The following MYL1 variants were observed in gnomAD, a reference collection of about 807,000 sequenced individuals.
MYL1 encodes the protein myosin light chain 1/3, skeletal muscle isoform.
A neutral mutation model predicts 21.8 loss-of-function variants in MYL1; 16 were observed. The observed-to-expected ratio is 0.74, with a 90% CI of 0.50 to 1.12. The LOEUF is 1.12. Among genes scored for constraint, MYL1 ranks in the 50% most tolerant of loss-of-function variants. The pLI is 0.00. For synonymous variants in MYL1, 99 were observed against 85.2 expected, an observed-to-expected ratio of 1.16 and a Z score of -0.89; for missense variants, 246 against 241.0, an observed-to-expected ratio of 1.02 and a Z score of -0.14.
intron 3 of MYL1, among the ~76,000 whole-genome samples, chr2:210,297,870 G>T (rs376667530): frequency 7.8e-4 from 119 of 151,890 alleles, no homozygotes; most frequent in African/African-American, 2.6e-3. Context: ...TTTTTCAGTT[G>T]CTTGACAAAG....
chr2:210,311,432 C>T (rs371434453), intron 1 of MYL1, among the ~76,000 whole-genome samples: 100 of 152,106 alleles, frequency 6.6e-4, no homozygotes, highest in South Asian at 4.4e-3. Context: ...ATGCAAAATT[C>T]GTTATTTGAT....
At chr2:210,303,563 C>A (rs1195685488) in intron 1 of MYL1, 1 of 1,611,266 alleles carries the variant, frequency 6.2e-7, no homozygotes, top group Admixed American at 1.7e-5. Context: ...GGCTGGGCTG[C>A]AACACAGCAG....
chr2:210,312,864 G>A (rs73067638), intron 1 of MYL1, among the ~76,000 whole-genome samples: 1,776 of 151,626 alleles, frequency 0.012, 42 homozygotes, highest in African/African-American at 0.04. Context: ...ACACTCCAGG[G>A]GTATTTCCTT....
At chr2:210,302,807 A>T (rs1286247745) in intron 1 of MYL1, 5 of 1,555,900 alleles carry the variant, frequency 3.2e-6, no homozygotes, top group Non-Finnish European at 4.4e-6. Flanking sequence ...AGTGGCGAAG[A>T]AGAGAAAGAA....
chr2:210,310,340 T>C (rs1363505293), intron 1 of MYL1, among the ~76,000 whole-genome samples: 2 of 152,060 alleles, frequency 1.3e-5, no homozygotes, highest in African/African-American at 2.4e-5. Flanking sequence ...CATGTGGCAT[T>C]GTATTTCTGC....
chr2:210,302,758 A>C, intron 1 of MYL1: 2 of 1,566,528 alleles, frequency 1.3e-6, no homozygotes, highest in Non-Finnish European at 1.7e-6. Context: ...GACAAACTCA[A>C]TTCACTTACC....
chr2:210,298,655 AG>A (rs1333064610), intron 2 of MYL1, 92 bp from the exon 3 acceptor site: 1 of 1,425,548 alleles, frequency 7.0e-7, no homozygotes, highest in Non-Finnish European at 9.5e-7. Flanking sequence ...CAAACTCTTC[AG>A]TTTTACAACT....
intron 3 of MYL1, among the ~76,000 whole-genome samples, chr2:210,295,400 G>A (rs973071643): frequency 3.9e-5 from 6 of 152,048 alleles, no homozygotes; most frequent in Non-Finnish European, 8.8e-5. Flanking sequence ...TTGGGAAGCC[G>A]AGGCAGGTGG....
intron 5 of MYL1, 23 bp downstream of exon 5, chr2:210,293,700 C>T (rs763557994): frequency 6.2e-7 from 1 of 1,609,332 alleles, no homozygotes; most frequent in Non-Finnish European, 8.5e-7. Flanking sequence ...GTTGCTGTAA[C>T]CACCAGTGAG....
At chr2:210,293,052 T>C (rs1255503953) in intron 5 of MYL1, among the ~76,000 whole-genome samples, 1 of 152,186 alleles carries the variant, frequency 6.6e-6, no homozygotes, top group Non-Finnish European at 1.5e-5. Flanking sequence ...TGTTTTTCTC[T>C]TTTTGTCTTT....
chr2:210,305,432 G>C (rs1690325757), intron 1 of MYL1, among the ~76,000 whole-genome samples: 1 of 152,098 alleles, frequency 6.6e-6, no homozygotes, highest in Non-Finnish European at 1.5e-5. Context: ...GTGTAACTTT[G>C]AATATTACAA....
intron 1 of MYL1, among the ~76,000 whole-genome samples, chr2:210,309,193 T>A (rs1690382069): frequency 6.6e-6 from 1 of 152,096 alleles, no homozygotes; most frequent in African/African-American, 2.4e-5. Flanking sequence ...GTCAGTAGAA[T>A]CTACTTCAAC....
intron 1 of MYL1, among the ~76,000 whole-genome samples, chr2:210,312,230 G>C (rs1690427775): frequency 1.3e-5 from 2 of 151,790 alleles, no homozygotes; most frequent in African/African-American, 4.8e-5. Context: ...AGGCAGTTAT[G>C]ATTAAACTAC....
Position 210,298,487 on chromosome 2 carries a change from A to G in MYL1, c.237T>C (p.Leu79=). The part of the protein sequence containing the change: ...KITLSQVGDV[L]RALGTNPTNA... ...TGGTGGGATTTGTGCCCAGAGCTCG[A>G]AGGACATCACCGACCTGGCTTAAGG... Residue 79 remains leucine (L), a synonymous_variant, in exon 3 of 7, where the codon CTT becomes CTC. Transcript: ENST00000352451. The G allele has an allele frequency of 3.1e-6, 5 of 1,614,050 alleles. No individual in the cohort carries two copies. Among genetic ancestry groups the G allele is most frequent in the Non-Finnish European group, 4.2e-6 (5 of 1,179,996 alleles).
chr2:210,303,421 A>G, intron 1 of MYL1: 1 of 805,380 alleles, frequency 1.2e-6, no homozygotes. Context: ...TAGATACTAA[A>G]GACTCATATT....
intron 3 of MYL1, among the ~76,000 whole-genome samples, chr2:210,295,923 G>A (rs374641835): frequency 6.6e-6 from 1 of 151,920 alleles, no homozygotes; most frequent in African/African-American, 2.4e-5. Flanking sequence ...TCTACATGAT[G>A]TAATTGGAAA....
At chr2:210,297,955 T>G (rs548263654) in intron 3 of MYL1, among the ~76,000 whole-genome samples, 1 of 152,188 alleles carries the variant, frequency 6.6e-6, no homozygotes, top group Admixed American at 6.5e-5. Context: ...TACTCAGAAT[T>G]GTTTATAAAG....
At position 210,302,497 on chromosome 2, in the gene MYL1, G is replaced by A; in HGVS notation, c.151C>T (p.Gln51Ter). ...TAGCTTTTAAACTTACCATCCTGCT[G>A]TTCCTTAGAGAACTCGATCTGTTAG... The part of the protein sequence containing the change: ...SAIKIEFSKE[Q>*]QDEFKEAFLL... The change falls in exon 2 of 7, where the codon CAG becomes TAG. Residue 51 changes from glutamine (Q) to a stop codon, truncating the protein, a stop_gained. Coordinates refer to ENST00000352451, the MANE Select transcript of MYL1 (RefSeq NM_079420.3). LOFTEE classifies it high-confidence loss of function. 6.2e-7 allele frequency: 1 copy of A among 1,609,432 alleles called. No individual in the cohort carries two copies. The highest frequency in any genetic ancestry group is 1.1e-5 in the South Asian group (1 of 90,070).
At position 210,302,505 on chromosome 2, in the gene MYL1, G is replaced by A. The variant is rs1310206920; in HGVS notation, c.143C>T (p.Ser48Phe). 6.2e-7 allele frequency: 1 copy of A among 1,609,528 alleles called. No individual in the cohort carries two copies. Among genetic ancestry groups the A allele is most frequent in the Non-Finnish European group, 8.5e-7 (1 of 1,178,740 alleles). Residue 48 changes from serine (S) to phenylalanine (F), a missense_variant, in exon 2 of 7, where the codon TCT (serine) becomes TTT (phenylalanine). Ser to Phe is a radical substitution (Grantham distance 155, BLOSUM62 -2). Transcript: ENST00000352451. The stretch of plus-strand genomic sequence containing the variant: ...AAACTTACCATCCTGCTGTTCCTTA[G>A]AGAACTCGATCTGTTAGAAAGAAAT... ...IDLSAIKIEF[S>F]KEQQDEFKEA...
Sources: gnomAD v4.1 joint callset for allele counts (sites outside exome capture counted in the v4.1 genomes callset) on GRCh38, gnomAD v4.1.1 for gene constraint, MANE v1.5 for transcripts, NCBI Gene and HGNC (gene_info 2026-07-23, HGNC 2026-07-21) for gene names.